Variants in NCAM1 observed in about 807,000 individuals in gnomAD.
The protein encoded by NCAM1 is antigen recognized by monoclonal antibody 5.1H11.
In NCAM1, 14 loss-of-function variants were observed where a neutral mutation model predicts 109.8. The observed-to-expected ratio is 0.13, with a 90% CI of 0.08 to 0.20. The LOEUF (loss-of-function observed/expected upper bound fraction) is 0.20, where lower values mean the gene tolerates loss of function less well. Ranked by LOEUF, NCAM1 falls within the 10% of genes least tolerant of loss-of-function variation. The probability of loss-of-function intolerance (pLI) is 1.00; values close to 1 mark genes in which losing one functional copy is unlikely to be tolerated. For missense variants in NCAM1, 774 were observed against 1,109.9 expected (o/e 0.70, Z 4.30); for synonymous variants, 418 against 442.9 (o/e 0.94, Z 0.70).
At chr11:113,067,669 C>CT (rs1938032193) in intron 1 of NCAM1, among the ~76,000 whole-genome samples, 1 of 152,230 alleles carries the variant, frequency 6.6e-6, no homozygotes, top group Non-Finnish European at 1.5e-5. Flanking sequence ...TTTCTCTTTC[C>CT]TAGCCTCAGT....
At chr11:113,079,718 G>A (rs1454625262) in intron 1 of NCAM1, among the ~76,000 whole-genome samples, 1 of 152,200 alleles carries the variant, frequency 6.6e-6, no homozygotes, top group Non-Finnish European at 1.5e-5. Flanking sequence ...GTCATGCCAT[G>A]ATACCCTAGC....
intron 1 of NCAM1, among the ~76,000 whole-genome samples, chr11:113,112,376 C>T (rs897059404): frequency 6.6e-6 from 1 of 152,148 alleles, no homozygotes; most frequent in African/African-American, 2.4e-5. Flanking sequence ...AAGTAGATGG[C>T]AGAAAATAAA....
intron 1 of NCAM1, among the ~76,000 whole-genome samples, chr11:113,004,405 T>C (rs1450574581): frequency 2.0e-5 from 3 of 151,990 alleles, no homozygotes; most frequent in Non-Finnish European, 4.4e-5. Flanking sequence ...AGGCAGAGAA[T>C]TGCTTGAACC....
intron 1 of NCAM1, among the ~76,000 whole-genome samples, chr11:112,986,005 T>C (rs1240389339): frequency 3.3e-5 from 5 of 151,926 alleles, no homozygotes; most frequent in Admixed American, 3.3e-4. Context: ...TAGAGGAATA[T>C]CTTTCAACTT....
chr11:112,974,117 T>C (rs1419960962), intron 1 of NCAM1, among the ~76,000 whole-genome samples: 1 of 152,060 alleles, frequency 6.6e-6, no homozygotes, highest in Non-Finnish European at 1.5e-5. Flanking sequence ...TCACTTAATC[T>C]GGAAGTCACT....
At chr11:113,125,571 G>T (rs374720081) in intron 1 of NCAM1, among the ~76,000 whole-genome samples, 1 of 152,172 alleles carries the variant, frequency 6.6e-6, no homozygotes, top group Non-Finnish European at 1.5e-5. Flanking sequence ...AGACAAAATT[G>T]TTCAGCAGCA....
chr11:113,010,281 T>TA lies in NCAM1; in HGVS notation c.52+48623dup, dbSNP rs577585123. The stretch of plus-strand genomic sequence containing the variant: ...TTAGCAATTCATTATGATTTGGTTT[T>TA]AAAAAATAACTCTATACTTGAAAGA... On this transcript the variant is annotated intron_variant, in intron 1 of 19. Transcript: ENST00000316851. Among the ~76,000 whole-genome samples, 295 of 152,316 alleles carry TA rather than the reference T, an allele frequency of 1.9e-3. 1 individual carries two copies. The highest frequency in any genetic ancestry group is 6.4e-3 in the African/African-American group (265 of 41,566).
chr11:113,065,520 T>G (rs1166180866), intron 1 of NCAM1, among the ~76,000 whole-genome samples: 1 of 152,184 alleles, frequency 6.6e-6, no homozygotes, highest in Non-Finnish European at 1.5e-5. Context: ...GTTGATAGTA[T>G]GTAGACTTGA....
chr11:113,156,915 T>A (rs2136315131), intron 1 of NCAM1, among the ~76,000 whole-genome samples: 1 of 152,106 alleles, frequency 6.6e-6, no homozygotes, highest in African/African-American at 2.4e-5. Context: ...GAGTAGATGC[T>A]TTAGGGAATG....
At chr11:113,128,241 G>T (rs1941255498) in intron 1 of NCAM1, among the ~76,000 whole-genome samples, 1 of 152,162 alleles carries the variant, frequency 6.6e-6, no homozygotes. Flanking sequence ...AACGGTTTGG[G>T]AGCAGGCAGA....
chr11:113,144,363 A>G (rs782712577), intron 1 of NCAM1, among the ~76,000 whole-genome samples: 1 of 152,232 alleles, frequency 6.6e-6, no homozygotes, highest in Non-Finnish European at 1.5e-5. Flanking sequence ...CTTAGTTTAT[A>G]TGAAGCATAT....
chr11:112,979,988 A>G (rs146162923), intron 1 of NCAM1, among the ~76,000 whole-genome samples: 1,520 of 151,956 alleles, frequency 0.01, 25 homozygotes, highest in African/African-American at 0.034. Context: ...GAAAACACTC[A>G]TTAAATAAGG....
chr11:113,061,610 C>G (rs957472988), intron 1 of NCAM1, among the ~76,000 whole-genome samples: 1 of 152,206 alleles, frequency 6.6e-6, no homozygotes, highest in Admixed American at 6.5e-5. Flanking sequence ...GTCCTGTTCC[C>G]CATTGGGCCA....
chr11:113,171,395 G>T (rs1942984667), intron 1 of NCAM1, among the ~76,000 whole-genome samples: 1 of 152,148 alleles, frequency 6.6e-6, no homozygotes, highest in Admixed American at 6.5e-5. Context: ...ACTTTGGGAG[G>T]CCGACGCGGG....
intron 1 of NCAM1, among the ~76,000 whole-genome samples, chr11:113,115,100 T>G: frequency 6.6e-6 from 1 of 152,256 alleles, no homozygotes; most frequent in East Asian, 1.9e-4. Flanking sequence ...CCCCAGCTGG[T>G]AGCATCCTGG....
At chr11:113,226,146 TAA>T (rs2137154660) in intron 9 of NCAM1, among the ~76,000 whole-genome samples, 1 of 152,272 alleles carries the variant, frequency 6.6e-6, no homozygotes, top group East Asian at 1.9e-4. Flanking sequence ...GCAAGTTGGA[TAA>T]AGAGTCAAGA....
At chr11:113,236,251 C>A in intron 14 of NCAM1, 1 of 1,594,764 alleles carries the variant, frequency 6.3e-7, no homozygotes, top group Non-Finnish European at 8.6e-7. Context: ...TTTCTTGGGT[C>A]TGTCTCTTGT....
At chr11:113,010,554 G>C (rs554486288) in intron 1 of NCAM1, among the ~76,000 whole-genome samples, 1 of 152,254 alleles carries the variant, frequency 6.6e-6, no homozygotes, top group East Asian at 1.9e-4. Flanking sequence ...AACATCAGCT[G>C]TATCCCTGAA....
chr11:113,238,199 G>A (rs1469890855), intron 14 of NCAM1, among the ~76,000 whole-genome samples: 1 of 151,984 alleles, frequency 6.6e-6, no homozygotes, highest in Non-Finnish European at 1.5e-5. Context: ...GTCATGAATG[G>A]TACAACAACA....
Sources: gnomAD v4.1 joint callset for allele counts (sites outside exome capture counted in the v4.1 genomes callset) on GRCh38, gnomAD v4.1.1 for gene constraint, MANE v1.5 for transcripts, NCBI Gene and HGNC (gene_info 2026-07-23, HGNC 2026-07-21) for gene names.